Variants in PRKG1 observed in about 807,000 individuals in gnomAD.
PRKG1 encodes the protein cGMP-dependent protein kinase 1.
A neutral mutation model predicts 88.1 loss-of-function variants in PRKG1; 35 were observed. The observed-to-expected ratio is 0.40, with a 90% CI of 0.30 to 0.53. The LOEUF is 0.53. Ranked by LOEUF, PRKG1 falls within the 20% of genes least tolerant of loss-of-function variation. The probability of loss-of-function intolerance (pLI) is 0.59; values close to 1 mark genes in which losing one functional copy is unlikely to be tolerated. For missense variants in PRKG1, 540 were observed against 839.8 expected (o/e 0.64, Z 4.41); for synonymous variants, 303 against 292.5 (o/e 1.04, Z -0.37).
intron 5 of PRKG1, among the ~76,000 whole-genome samples, chr10:51,972,732 G>C (rs1843739552): frequency 6.6e-6 from 1 of 152,128 alleles, no homozygotes. Context: ...CAAGGTAACT[G>C]TAGAGTATCA....
At position 52,074,980 on chromosome 10, in the gene PRKG1, A is replaced by G. The variant is rs112702196; in HGVS notation, c.935+12349A>G. Among the ~76,000 whole-genome samples, 1,411 of 152,328 alleles carry G rather than the reference A, an allele frequency of 9.3e-3. 24 individuals carry two copies. The highest frequency in any genetic ancestry group is 0.031 in the African/African-American group (1,307 of 41,572). On this transcript the variant is annotated intron_variant, in intron 7 of 17. Transcript: ENST00000373980. The stretch of plus-strand genomic sequence containing the variant: ...TCTGAGAAAAGTATGCTATGTGATA[A>G]TTGCCTTATCTCCTATTCCAGGCAT...
chr10:51,995,020 T>C (rs1399814163), intron 5 of PRKG1, among the ~76,000 whole-genome samples: 2 of 152,198 alleles, frequency 1.3e-5, no homozygotes, highest in African/African-American at 2.4e-5. Flanking sequence ...CACTGGAAGA[T>C]AGTTGCTATT....
chr10:51,959,783 G>T (rs1843400997), intron 5 of PRKG1, among the ~76,000 whole-genome samples: 1 of 152,100 alleles, frequency 6.6e-6, no homozygotes, highest in South Asian at 2.1e-4. Context: ...ACTGCAGAGA[G>T]CCAAGTGGGT....
At chr10:52,194,304 A>G (rs1839450037) in intron 9 of PRKG1, among the ~76,000 whole-genome samples, 2 of 152,118 alleles carry the variant, frequency 1.3e-5, no homozygotes. Flanking sequence ...TGAAGCTCCT[A>G]ATAAAAAACA....
At chr10:51,057,468 A>G (rs1027882573) in intron 1 of PRKG1, among the ~76,000 whole-genome samples, 2 of 152,188 alleles carry the variant, frequency 1.3e-5, no homozygotes, top group African/African-American at 2.4e-5. Flanking sequence ...TAAGTCTTCA[A>G]TGAGTTATCC....
Position 51,263,225 on chromosome 10 carries a change from T to C in PRKG1, c.478+109895T>C, listed in dbSNP as rs528510272. On this transcript the variant is annotated intron_variant, in intron 2 of 17. Transcript: ENST00000373980. ...CCCTTCAGTTATTTAACAGGCCTCA[T>C]TGATGCCAATTTCCTGACTTCCTCA... Among the ~76,000 whole-genome samples, 87 of 152,364 alleles carry C rather than the reference T, an allele frequency of 5.7e-4. 1 individual carries two copies. Among genetic ancestry groups the C allele is most frequent in the Admixed American group, 2.4e-3 (36 of 15,310 alleles).
intron 4 of PRKG1, among the ~76,000 whole-genome samples, chr10:51,894,703 C>T (rs1841801049): frequency 6.6e-6 from 1 of 152,126 alleles, no homozygotes; most frequent in South Asian, 2.1e-4. Context: ...ATCTGCTGAA[C>T]TGAATTACAT....
At chr10:51,528,566 T>C (rs1425755711) in intron 3 of PRKG1, among the ~76,000 whole-genome samples, 5 of 97,552 alleles carry the variant, frequency 5.1e-5, no homozygotes, top group Non-Finnish European at 1.1e-4. Flanking sequence ...TTACATTCAG[T>C]ACAGCAAAAA....
intron 4 of PRKG1, among the ~76,000 whole-genome samples, chr10:51,818,817 C>T (rs1839661520): frequency 9.7e-6 from 1 of 103,144 alleles, no homozygotes; most frequent in Non-Finnish European, 1.8e-5. Flanking sequence ...ACCATCCTGG[C>T]TAAAACAGTG....
At chr10:52,267,462 G>A (rs554845732) in intron 10 of PRKG1, among the ~76,000 whole-genome samples, 13 of 151,600 alleles carry the variant, frequency 8.6e-5, no homozygotes, top group African/African-American at 3.1e-4. Flanking sequence ...CATGATGAGA[G>A]TTTTACTTTT....
chr10:51,546,222 C>G (rs1564543814), intron 3 of PRKG1, among the ~76,000 whole-genome samples: 1 of 152,016 alleles, frequency 6.6e-6, no homozygotes, highest in Non-Finnish European at 1.5e-5. Flanking sequence ...AATGTAGAAT[C>G]TGGTATAAAC....
At chr10:51,697,416 A>C in intron 3 of PRKG1, 1 of 413,332 alleles carries the variant, frequency 2.4e-6, no homozygotes, top group Non-Finnish European at 4.3e-6. Flanking sequence ...AGATGCTTCA[A>C]TATTGCTGCT....
chr10:51,627,996 CTCTCTCTCTCTCTCTT>C (rs1839400597), intron 3 of PRKG1, among the ~76,000 whole-genome samples: 1 of 39,800 alleles, frequency 2.5e-5, no homozygotes, highest in African/African-American at 7.0e-5. Context: ...TTCTTTCTCT[CTCTCTCTCTCTCTCTT>C]TCTTTCTTTC....
chr10:51,901,158 T>G (rs1841970863), intron 4 of PRKG1, among the ~76,000 whole-genome samples: 2 of 152,274 alleles, frequency 1.3e-5, no homozygotes, highest in East Asian at 3.9e-4. Flanking sequence ...AGGATAAGCC[T>G]TAAGAGTCAA....
intron 1 of PRKG1, among the ~76,000 whole-genome samples, chr10:51,042,869 T>A (rs1168436014): frequency 6.6e-6 from 1 of 152,010 alleles, no homozygotes; most frequent in Non-Finnish European, 1.5e-5. Flanking sequence ...ATAAAAGAGA[T>A]CCCAGAGAAT....
intron 2 of PRKG1, among the ~76,000 whole-genome samples, chr10:51,384,643 T>C (rs576921592): frequency 3.9e-5 from 6 of 152,270 alleles, no homozygotes; most frequent in African/African-American, 1.4e-4. Context: ...AATCCCTCCA[T>C]TCTTCCCCTG....
intron 2 of PRKG1, among the ~76,000 whole-genome samples, chr10:51,341,588 C>T (rs1395158690): frequency 6.6e-6 from 1 of 152,114 alleles, no homozygotes; most frequent in Non-Finnish European, 1.5e-5. Flanking sequence ...CCAACTCGTT[C>T]CATATTGTTT....
chr10:51,541,604 G>A (rs1189134651), intron 3 of PRKG1, among the ~76,000 whole-genome samples: 1 of 152,080 alleles, frequency 6.6e-6, no homozygotes, highest in Non-Finnish European at 1.5e-5. Flanking sequence ...TAAAATCAGT[G>A]AAGTTTATCA....
At chr10:52,113,220 A>G (rs1173596443) in intron 7 of PRKG1, among the ~76,000 whole-genome samples, 1 of 152,232 alleles carries the variant, frequency 6.6e-6, no homozygotes, top group Non-Finnish European at 1.5e-5. Context: ...TATTGTTAGC[A>G]TGAAATAAAA....
Sources: gnomAD v4.1 joint callset for allele counts (sites outside exome capture counted in the v4.1 genomes callset) on GRCh38, gnomAD v4.1.1 for gene constraint, MANE v1.5 for transcripts, NCBI Gene and HGNC (gene_info 2026-07-23, HGNC 2026-07-21) for gene names.